The following EFNA5 variants were observed in gnomAD, a reference collection of about 807,000 sequenced individuals.
EFNA5 encodes the protein ephrin A5.
In EFNA5, 5 loss-of-function variants were observed where a neutral mutation model predicts 22.9. That is an observed-to-expected ratio of 0.22 (90% CI 0.11 to 0.46). EFNA5 has a LOEUF of 0.46. EFNA5 is among the 20% of genes least tolerant of loss of function. The pLI is 0.99. For missense variants in EFNA5, 237 were observed against 293.3 expected (o/e 0.81, Z 1.40); for synonymous variants, 113 against 112.2 (o/e 1.01, Z -0.04).
intron 1 of EFNA5, among the ~76,000 whole-genome samples, chr5:107,651,334 G>A (rs1414303243): frequency 6.6e-6 from 1 of 152,126 alleles, no homozygotes; most frequent in Non-Finnish European, 1.5e-5. Flanking sequence ...CACAGTAAGT[G>A]CTCAATAAAT....
intron 1 of EFNA5, among the ~76,000 whole-genome samples, chr5:107,441,780 G>C (rs1267481536): frequency 1.3e-5 from 2 of 152,056 alleles, no homozygotes; most frequent in Non-Finnish European, 1.5e-5. Flanking sequence ...ATGTTTCCAA[G>C]TATATGGAAA....
chr5:107,409,387 C>T (rs1748302180), intron 2 of EFNA5, among the ~76,000 whole-genome samples: 1 of 152,190 alleles, frequency 6.6e-6, no homozygotes. Context: ...GTATGGGATG[C>T]AGCAGGAACA....
At chr5:107,487,599 GTCAAATTACAAAGAATGAGAATTTT>G (rs1180993571) in intron 1 of EFNA5, among the ~76,000 whole-genome samples, 1 of 152,204 alleles carries the variant, frequency 6.6e-6, no homozygotes, top group East Asian at 1.9e-4. Flanking sequence ...GCCAGCAGGT[GTCAAATTACAAAGAATGAGAATTTT>G]TCACTTGATC....
chr5:107,393,782 TC>T (rs1309138712), intron 2 of EFNA5, among the ~76,000 whole-genome samples: 2 of 152,210 alleles, frequency 1.3e-5, no homozygotes, highest in African/African-American at 4.8e-5. Context: ...GCATTAATAT[TC>T]CTTTCACAAT....
intron 1 of EFNA5, among the ~76,000 whole-genome samples, chr5:107,605,222 C>G (rs1749689077): frequency 6.6e-6 from 1 of 151,938 alleles, no homozygotes; most frequent in Non-Finnish European, 1.5e-5. Context: ...TCTTCTCCTT[C>G]CCCCTAATGC....
rs1561406372 is a variant in EFNA5, at chr5:107,482,854, CTCTCTCTCTCTCTCTCTATATA to C, written c.126-55367_126-55346del. Among the ~76,000 whole-genome samples the C allele has an allele frequency of 4.2e-3, 290 of 69,064 alleles. 2 individuals carry two copies. Among genetic ancestry groups the C allele is most frequent in the African/African-American group, 8.4e-3 (139 of 16,522 alleles). The allele number at this position is 69,064 out of a possible 152,430, so 45.3% of individuals were successfully genotyped here. A position where few individuals can be genotyped will look rare whatever the true frequency, so the allele number is the denominator to read the frequency against. ...TCTGTCTCTCTCTCTCTCTCTCTCT[CTCTCTCTCTCTCTCTCTATATA>C]TATATATATATATATATACATACAT... On this transcript the variant is annotated intron_variant, in intron 1 of 4. Transcript: ENST00000333274.
At chr5:107,586,808 T>C in intron 1 of EFNA5, among the ~76,000 whole-genome samples, 1 of 152,220 alleles carries the variant, frequency 6.6e-6, no homozygotes, top group South Asian at 2.1e-4. Context: ...ATAATTTAGG[T>C]TAAAAATTAG....
chr5:107,670,933 G>C lies in EFNA5; in HGVS notation c.-320C>G. The C allele has an allele frequency of 3.5e-6, 1 of 285,116 alleles. No individual in the cohort carries two copies. Among genetic ancestry groups the C allele is most frequent in the Non-Finnish European group, 6.5e-6 (1 of 154,052 alleles). The allele number at this position is 285,116 out of a possible 1,614,324, so 17.7% of individuals were successfully genotyped here. On this transcript the variant is annotated 5_prime_UTR_variant, in exon 1 of 5. Transcript: ENST00000333274. ...GGTGGCGGCGGCGAGGGCGGGGGAA[G>C]AGGTGCCAAGCTGTGTCTCGGGCGG...
At chr5:107,447,943 G>A (rs1749439365) in intron 1 of EFNA5, among the ~76,000 whole-genome samples, 1 of 152,018 alleles carries the variant, frequency 6.6e-6, no homozygotes, top group South Asian at 2.1e-4. Context: ...CGCCTCCCGG[G>A]TTCAAGCGAT....
At chr5:107,560,886 G>T (rs1262705930) in intron 1 of EFNA5, among the ~76,000 whole-genome samples, 1 of 152,178 alleles carries the variant, frequency 6.6e-6, no homozygotes, top group Non-Finnish European at 1.5e-5. Context: ...AAGCTCTAAG[G>T]ATCCAGAACT....
At chr5:107,590,390 A>C (rs1020183707) in intron 1 of EFNA5, among the ~76,000 whole-genome samples, 7 of 149,794 alleles carry the variant, frequency 4.7e-5, no homozygotes, top group Middle Eastern at 3.4e-3. Flanking sequence ...CTAGATATAG[A>C]CATAATTTTT....
chr5:107,482,787 T>C (rs1269219466), intron 1 of EFNA5, among the ~76,000 whole-genome samples: 1 of 151,008 alleles, frequency 6.6e-6, no homozygotes, highest in East Asian at 1.9e-4. Flanking sequence ...ACCTCTTTCT[T>C]TTTGGCTGCT....
intron 2 of EFNA5, among the ~76,000 whole-genome samples, chr5:107,418,092 G>A (rs1561377408): frequency 6.6e-6 from 1 of 152,172 alleles, no homozygotes; most frequent in East Asian, 1.9e-4. Flanking sequence ...CATTTGGTGT[G>A]TGCATGCTTG....
rs1354127074 is a variant in EFNA5 at position 107,377,000 on chromosome 5, T to A, written c.*4255A>T. 1 of 151,858 alleles carries A rather than the reference T, an allele frequency of 6.6e-6. No homozygotes were observed. The highest frequency in any genetic ancestry group is 1.5e-5 in the Non-Finnish European group (1 of 67,986). 9.4% of individuals were successfully genotyped at this position (151,858 alleles called of 1,614,324 possible). On this transcript the variant is annotated 3_prime_UTR_variant, in exon 5 of 5. Coordinates refer to ENST00000333274, the MANE Select transcript of EFNA5 (RefSeq NM_001962.3). Reference sequence around the variant, plus strand: ...TGTTTGTGTGTGGGTTTTTTTTTTTTACATTTTCTTTTACGTTTATATAAT... The same window carrying A: ...TGTTTGTGTGTGGGTTTTTTTTTTTAACATTTTCTTTTACGTTTATATAAT...
chr5:107,647,030 T>A (rs1052865540), intron 1 of EFNA5, among the ~76,000 whole-genome samples: 6 of 152,072 alleles, frequency 3.9e-5, no homozygotes, highest in Non-Finnish European at 8.8e-5. Context: ...ATGAAATGCA[T>A]AAAGCCCCTA....
intron 2 of EFNA5, among the ~76,000 whole-genome samples, chr5:107,413,538 C>A (rs1333155486): frequency 2.0e-5 from 3 of 152,160 alleles, no homozygotes; most frequent in Non-Finnish European, 2.9e-5. Flanking sequence ...TTATTCATTT[C>A]TTTCTCTCCA....
chr5:107,553,395 A>C (rs990914231), intron 1 of EFNA5, among the ~76,000 whole-genome samples: 1 of 152,194 alleles, frequency 6.6e-6, no homozygotes, highest in African/African-American at 2.4e-5. Context: ...CCACCGCCCC[A>C]CCATCCACTG....
intron 1 of EFNA5, among the ~76,000 whole-genome samples, chr5:107,573,690 C>T (rs560200517): frequency 1.3e-5 from 2 of 152,236 alleles, no homozygotes; most frequent in East Asian, 1.9e-4. Context: ...AACATGATTA[C>T]GTGGGTTTCC....
chr5:107,383,288 A>C (rs1261322509), intron 4 of EFNA5, among the ~76,000 whole-genome samples: 2 of 152,226 alleles, frequency 1.3e-5, no homozygotes, highest in African/African-American at 4.8e-5. Context: ...CAAGATGGTA[A>C]GATAAATGGA....
Sources: allele counts gnomAD v4.1 joint callset (sites outside exome capture counted in the v4.1 genomes callset), GRCh38; gene constraint gnomAD v4.1.1; transcripts MANE v1.5; gene names NCBI Gene and HGNC (gene_info 2026-07-23, HGNC 2026-07-21).